Variants in RGS5 observed in about 807,000 individuals in gnomAD.
RGS5 encodes the protein regulator of G-protein signalling 5.
A neutral mutation model predicts 18.9 loss-of-function variants in RGS5; 20 were observed. The observed-to-expected ratio is 1.06, with a 90% CI of 0.74 to 1.54. The LOEUF (loss-of-function observed/expected upper bound fraction) is 1.54. Among genes scored for constraint, RGS5 ranks in the 40% most tolerant of loss-of-function variants. The probability of loss-of-function intolerance (pLI) is 0.00; values close to 1 mark genes in which losing one functional copy is unlikely to be tolerated. For missense variants in RGS5, 201 were observed against 211.8 expected, an observed-to-expected ratio of 0.95 and a Z score of 0.32; for synonymous variants, 57 against 76.2, an observed-to-expected ratio of 0.75 and a Z score of 1.31.
chr1:163,289,148 AACC>A (rs925261470), intron 2 of RGS5, among the ~76,000 whole-genome samples: 3 of 152,054 alleles, frequency 2.0e-5, no homozygotes, highest in Non-Finnish European at 4.4e-5. Context: ...TACAGAATAA[AACC>A]CAAGTGCCTG....
intron 2 of RGS5, among the ~76,000 whole-genome samples, chr1:163,166,306 C>T (rs1176637675): frequency 1.4e-5 from 2 of 138,770 alleles, no homozygotes; most frequent in African/African-American, 2.5e-5. Flanking sequence ...AAAGTGAGAA[C>T]TCAAAAATAC....
At chr1:163,282,049 A>G (rs373580049) in intron 2 of RGS5, among the ~76,000 whole-genome samples, 27 of 95,780 alleles carry the variant, frequency 2.8e-4, no homozygotes, top group East Asian at 2.1e-3. Context: ...ACGCGCGCGC[A>G]CACACACACA....
chr1:163,179,516 T>C (rs1051139528), intron 1 of RGS5, among the ~76,000 whole-genome samples: 3 of 152,104 alleles, frequency 2.0e-5, no homozygotes, highest in Admixed American at 6.6e-5. Flanking sequence ...GCTGTCAACA[T>C]AGAACGTAAC....
chr1:163,274,302 G>C lies in RGS5; in HGVS notation c.-281+31931C>G, dbSNP rs555769245. Reference sequence around the variant, plus strand: ...CCCACCCACTGACCTCCTGGGAAAAGAGAAGGGAGCTGGAGATTGAATCTA... The same window carrying C: ...CCCACCCACTGACCTCCTGGGAAAACAGAAGGGAGCTGGAGATTGAATCTA... On this transcript the variant is annotated intron_variant, in intron 2 of 5. Transcript: ENST00000618415. Among the ~76,000 whole-genome samples the C allele has an allele frequency of 7.1e-5, 10 of 141,368 alleles. 1 individual carries two copies. The South Asian group carries it at 2.4e-3, about 35-fold the overall frequency. 92.7% of individuals were successfully genotyped at this position (141,368 alleles called of 152,430 possible).
rs143682816 is a variant in RGS5, at chr1:163,152,664, G to T, written c.270C>A (p.Asn90Lys). 145 of 1,610,870 alleles carry T rather than the reference G, an allele frequency of 9.0e-5. No homozygotes were observed. The highest frequency in any genetic ancestry group is 1.2e-4 in the Non-Finnish European group (136 of 1,178,552). Residue 90 changes from asparagine (N) to lysine (K), a missense_variant, in exon 4 of 5, where the codon AAC becomes AAA. Coordinates refer to ENST00000313961, the MANE Select transcript of RGS5 (RefSeq NM_003617.4). Reference protein sequence around the residue: ...SFLKSEFSEENLEFWIACEDY... With the variant: ...SFLKSEFSEEKLEFWIACEDY... ...CCTCACAGGCAATCCAGAACTCAAG[G>T]TTTTCCTCACTGAATTCAGACTTCA...
chr1:163,320,258 A>T (rs1650153059), intron 1 of RGS5, among the ~76,000 whole-genome samples: 2 of 152,180 alleles, frequency 1.3e-5, no homozygotes, highest in African/African-American at 2.4e-5. Context: ...GGGACCATGT[A>T]TAAATAATAA....
intron 1 of RGS5, chr1:163,308,737 A>G (rs902681709): frequency 4.6e-5 from 7 of 152,188 alleles, no homozygotes; most frequent in African/African-American, 1.7e-4. Flanking sequence ...ACTCAAAACC[A>G]ATATAAAATA....
In RGS5 at chr1:163,294,828, C is replaced by T. The variant is rs547894956; in HGVS notation, c.-281+11405G>A. Among the ~76,000 whole-genome samples, 283 of 152,300 alleles carry T rather than the reference C, an allele frequency of 1.9e-3. 1 individual carries two copies. The highest frequency in any genetic ancestry group is 6.6e-3 in the African/African-American group (273 of 41,566). ...ACTTTCAGAAAAAAACGGGTCACCTCTTGAATGCTTTGCTGCTTAGAAATT... is the reference window on the plus strand; with the variant it reads ...ACTTTCAGAAAAAAACGGGTCACCTTTTGAATGCTTTGCTGCTTAGAAATT... On this transcript the variant is annotated intron_variant, in intron 2 of 5. Coordinates refer to the RGS5 transcript ENST00000618415.
rs373929473 is a variant in RGS5 at position 163,320,411 on chromosome 1, A to G, written c.-378+1211T>C. 2.6e-5 allele frequency among the ~76,000 whole-genome samples: 4 copies of G among 152,350 alleles called. No individual in the cohort carries two copies. The East Asian group carries it at 7.7e-4, about 29-fold the overall frequency. ...CTGTCACCCTATTTTAAAGATGCAG[A>G]AACGAGCTCAGTTAGGTTAAATAGC... is the stretch of plus-strand genomic sequence containing the variant. On this transcript the variant is annotated intron_variant, in intron 1 of 5. Coordinates refer to the RGS5 transcript ENST00000618415.
intron 1 of RGS5, among the ~76,000 whole-genome samples, chr1:163,177,695 G>A (rs1658617361): frequency 6.6e-6 from 1 of 152,022 alleles, no homozygotes; most frequent in South Asian, 2.1e-4. Context: ...CCTCTCCACG[G>A]CAAACACGCA....
chr1:163,155,174 C>A (rs990108031), intron 3 of RGS5, among the ~76,000 whole-genome samples: 2 of 152,054 alleles, frequency 1.3e-5, no homozygotes, highest in African/African-American at 4.8e-5. Context: ...TAATTAGCCC[C>A]ATATCCCCAC....
chr1:163,226,515 C>T (rs927959287), intron 2 of RGS5, among the ~76,000 whole-genome samples: 6 of 152,090 alleles, frequency 3.9e-5, no homozygotes, highest in Admixed American at 2.0e-4. Context: ...AAAGAGGGCA[C>T]GTTGGGACTG....
At chr1:163,253,996 C>T (rs1472865682) in intron 2 of RGS5, among the ~76,000 whole-genome samples, 3 of 151,470 alleles carry the variant, frequency 2.0e-5, no homozygotes, top group African/African-American at 7.3e-5. Context: ...TTTTTTATGG[C>T]TGCATAGTAT....
intron 2 of RGS5, among the ~76,000 whole-genome samples, chr1:163,280,535 T>C (rs2101718320): frequency 6.6e-6 from 1 of 152,050 alleles, no homozygotes; most frequent in Non-Finnish European, 1.5e-5. Context: ...CTTTAAAAAA[T>C]ACCAAGAAAT....
chr1:163,166,422 T>C (rs1658051235), intron 2 of RGS5, among the ~76,000 whole-genome samples: 1 of 152,172 alleles, frequency 6.6e-6, no homozygotes, highest in Non-Finnish European at 1.5e-5. Context: ...AGAAGAATTA[T>C]TTTCCCCTCT....
rs572510818 is a variant in RGS5 at position 163,311,670 on chromosome 1, A to G, written c.-377-5341T>C. Reference sequence around the variant, plus strand: ...CAATGAAGCAGTTAGAACACACTCAATATTTACTTATTAAGTTTGTTCTCT... The same window carrying G: ...CAATGAAGCAGTTAGAACACACTCAGTATTTACTTATTAAGTTTGTTCTCT... On this transcript the variant is annotated intron_variant, in intron 1 of 5. Coordinates refer to the RGS5 transcript ENST00000618415. 1.2e-3 allele frequency among the ~76,000 whole-genome samples: 184 copies of G among 152,320 alleles called. 1 individual carries two copies. The highest frequency in any genetic ancestry group is 8.8e-4 in the Non-Finnish European group (60 of 68,036).
chr1:163,219,786 G>A (rs1386621284), upstream of RGS5, among the ~76,000 whole-genome samples: 3 of 152,134 alleles, frequency 2.0e-5, no homozygotes, highest in African/African-American at 7.2e-5. Flanking sequence ...AATCATTACT[G>A]TAATTTTGTA....
At chr1:163,205,182 T>A (rs1302791738), upstream of RGS5, among the ~76,000 whole-genome samples, 2 of 151,938 alleles carry the variant, frequency 1.3e-5, no homozygotes, top group African/African-American at 4.8e-5. Context: ...ATGGAGGAGT[T>A]CCTATTCAAT....
chr1:163,219,081 C>T (rs1443768205), upstream of RGS5, among the ~76,000 whole-genome samples: 2 of 151,932 alleles, frequency 1.3e-5, no homozygotes, highest in African/African-American at 4.8e-5. Context: ...CATTTCACTA[C>T]ATTTTTATTA....
Sources: allele counts gnomAD v4.1 joint callset (sites outside exome capture counted in the v4.1 genomes callset), GRCh38; gene constraint gnomAD v4.1.1; transcripts MANE v1.5; gene names NCBI Gene and HGNC (gene_info 2026-07-23, HGNC 2026-07-21).